Variants in CPZ observed in about 807,000 individuals in gnomAD.
CPZ encodes the protein VEZT/CPZ fusion.
In CPZ, 103 loss-of-function variants were observed where a neutral mutation model predicts 61.8. The observed-to-expected ratio is 1.67, with a 90% CI of 1.42 to 1.96. The LOEUF is 1.96. Ranked by LOEUF, CPZ falls within the 30% of genes most tolerant of loss-of-function variation. CPZ has a pLI of 0.00. For synonymous variants in CPZ, 551 were observed against 373.7 expected (o/e 1.47, Z -5.47); for missense variants, 1,461 against 914.9 (o/e 1.60, Z -7.70).
intron 8 of CPZ, among the ~76,000 whole-genome samples, chr4:8,614,052 G>C (rs920113508): frequency 2.0e-5 from 3 of 152,272 alleles, no homozygotes; most frequent in African/African-American, 7.2e-5. Context: ...TCAAGATGCA[G>C]CTCTGCCTCT....
rs1254776860 is a variant in CPZ, at chr4:8,605,318, T to TCA, written c.710-671_710-670insCA. ...ACTCTTCTTCCTATAGTCCATTCAT[T>TCA]TATTCATCCATCCATCCATCCATCC... is the stretch of plus-strand genomic sequence containing the variant. On this transcript the variant is annotated intron_variant, in intron 4 of 10. Transcript: ENST00000360986. Among the ~76,000 whole-genome samples the TCA allele has an allele frequency of 8.0e-3, 436 of 54,836 alleles. 7 individuals carry two copies. In the East Asian group the frequency reaches 0.16, roughly 20 times the overall value. The allele number at this position is 54,836 out of a possible 152,430, so 36.0% of individuals were successfully genotyped here.
chr4:8,615,844 G>A (rs1044189774), intron 9 of CPZ, among the ~76,000 whole-genome samples: 2 of 152,198 alleles, frequency 1.3e-5, no homozygotes, highest in African/African-American at 4.8e-5. Context: ...AACTCCCTGG[G>A]GCAGCAGCCG....
rs201449741 is a variant in CPZ at position 8,619,264 on chromosome 4, C to A, written c.1606C>A (p.Pro536Thr). 3.7e-6 allele frequency: 6 copies of A among 1,608,818 alleles called. No homozygotes were observed. In the East Asian group the frequency reaches 1.1e-4, roughly 30 times the overall value. ...ATTTTTAATCTATTTGTCCACAGCC[C>A]CAGATGGTGACTACTGGAGACTGCT... ...KGIRHDITTA[P>T]DGDYWRLLPP... Residue 536 changes from proline to threonine, a missense_variant and splice_region_variant, in exon 11 of 11, where the codon CCA becomes ACA. Transcript: ENST00000360986.
chr4:8,618,397 C>A, intron 9 of CPZ, 32 bp from the exon 10 acceptor site: 2 of 1,602,820 alleles, frequency 1.2e-6, no homozygotes, highest in Non-Finnish European at 1.7e-6. Context: ...AGAGCTCACG[C>A]CATCTCCCTG....
At chr4:8,609,398 T>C (rs1052159452) in intron 7 of CPZ, among the ~76,000 whole-genome samples, 2 of 152,156 alleles carry the variant, frequency 1.3e-5, no homozygotes, top group Non-Finnish European at 2.9e-5. Context: ...CTTTCACTCA[T>C]TGGTTTATTC....
intron 4 of CPZ, among the ~76,000 whole-genome samples, chr4:8,605,233 TAGAG>T (rs1001202553): frequency 2.6e-5 from 4 of 152,130 alleles, no homozygotes; most frequent in Non-Finnish European, 5.9e-5. Context: ...GTGCGAGGCT[TAGAG>T]AGGAGGAGTG....
intron 3 of CPZ, 137 bp from the exon 4 acceptor site, chr4:8,603,839 C>T: frequency 1.3e-6 from 1 of 746,530 alleles, no homozygotes; most frequent in South Asian, 1.6e-5. Flanking sequence ...AGAGGGAACT[C>T]TAATTAAAGA....
At chr4:8,604,271 G>T (rs1577113360) in intron 4 of CPZ, 83 bp downstream of exon 4, 1 of 1,312,332 alleles carries the variant, frequency 7.6e-7, no homozygotes. Flanking sequence ...ACAAGTTGGT[G>T]GGGTGTTTGG....
chr4:8,612,122 G>GA lies in CPZ; in HGVS notation c.1324dup (p.Ser442LysfsTer27). On this transcript the variant is annotated frameshift_variant, in exon 8 of 11. Transcript: ENST00000360986. LOFTEE classifies it high-confidence loss of function. ...GTGGAGGCAATTTCCTGAAGAGGGG[G>GA]AGCATCATCAACGGGGCGGACTGGT... 1.2e-6 allele frequency: 2 copies of GA among 1,600,346 alleles called. No individual in the cohort carries two copies. The highest frequency in any genetic ancestry group is 2.3e-5 in the East Asian group (1 of 43,862).
intron 7 of CPZ, 113 bp downstream of exon 7, chr4:8,607,538 A>T (rs1715143615): frequency 2.3e-6 from 3 of 1,292,456 alleles, no homozygotes; most frequent in Non-Finnish European, 3.2e-6. Context: ...AGGAACCTCT[A>T]CTCAGAGCGG....
chr4:8,601,263 C>A lies in CPZ; in HGVS notation c.262C>A (p.Leu88Ile). Residue 88 changes from leucine (L) to isoleucine (I), a missense_variant, in exon 3 of 11, where the codon CTC becomes ATC. Physicochemically the swap from Leu to Ile is conservative, Grantham distance 5. Transcript: ENST00000360986. The stretch of plus-strand genomic sequence containing the variant: ...CATCCTGCTGAGCGTTCTACACCAG[C>A]TCCTGGAAGGCCAGTGCAACCCGGA... ...EYILLSVLHQ[L>I]LEGQCNPDLR... The A allele has an allele frequency of 6.2e-7, 1 of 1,613,624 alleles. No individual in the cohort carries two copies. Among genetic ancestry groups the A allele is most frequent in the African/African-American group, 1.3e-5 (1 of 75,068 alleles).
intron 9 of CPZ, chr4:8,617,981 C>A (rs1044675531): frequency 1.6e-5 from 3 of 193,198 alleles, no homozygotes; most frequent in Non-Finnish European, 2.2e-5. Flanking sequence ...GATGAAGAAA[C>A]CGCGCTGCTC....
intron 7 of CPZ, among the ~76,000 whole-genome samples, chr4:8,611,728 A>G (rs1268302823): frequency 1.3e-5 from 2 of 152,008 alleles, no homozygotes; most frequent in Non-Finnish European, 2.9e-5. Context: ...GTGTAACCTC[A>G]GGAGAGAAAG....
At chr4:8,599,825 G>A (rs1714443229) in intron 2 of CPZ, 5 of 322,124 alleles carry the variant, frequency 1.6e-5, no homozygotes, top group Non-Finnish European at 2.8e-5. Context: ...TCTGTGCCGG[G>A]CCCCTGCTGA....
At chr4:8,609,620 G>C (rs1014050902) in intron 7 of CPZ, among the ~76,000 whole-genome samples, 31 of 152,182 alleles carry the variant, frequency 2.0e-4, no homozygotes, top group Non-Finnish European at 8.8e-5. Flanking sequence ...CACAGGCCCA[G>C]TGTGTCTCAG....
intron 4 of CPZ, among the ~76,000 whole-genome samples, 164 bp downstream of exon 4, chr4:8,604,352 C>T (rs540798944): frequency 2.6e-5 from 4 of 152,366 alleles, no homozygotes; most frequent in Admixed American, 6.5e-5. Context: ...CATGTGCAAC[C>T]ACTATATGTA....
intron 7 of CPZ, among the ~76,000 whole-genome samples, chr4:8,610,058 C>G (rs1262447288): frequency 1.3e-5 from 2 of 152,208 alleles, no homozygotes; most frequent in East Asian, 3.9e-4. Flanking sequence ...TGCCTGCCAA[C>G]CCCTTTCTGG....
intron 4 of CPZ, among the ~76,000 whole-genome samples, 177 bp from the exon 5 acceptor site, chr4:8,605,812 G>C (rs562043137): frequency 1.3e-5 from 2 of 152,174 alleles, no homozygotes; most frequent in African/African-American, 2.4e-5. Flanking sequence ...CATAAAAAAC[G>C]AGCTTAACAA....
chr4:8,596,029 TTCCAGC>T (rs1714150502), intron 1 of CPZ, among the ~76,000 whole-genome samples: 1 of 147,946 alleles, frequency 6.8e-6, no homozygotes, highest in Non-Finnish European at 1.5e-5. Context: ...ACTTCCAGCC[TTCCAGC>T]CTCCAGGGCT....
Sources: allele counts gnomAD v4.1 joint callset (sites outside exome capture counted in the v4.1 genomes callset), GRCh38; gene constraint gnomAD v4.1.1; transcripts MANE v1.5; gene names NCBI Gene and HGNC (gene_info 2026-07-23, HGNC 2026-07-21).